MIOS: variants seen among roughly 807,000 people sequenced by gnomAD.
MIOS encodes GATOR2 complex protein MIOS.
Under a neutral mutation model 96.9 loss-of-function variants are expected in MIOS, and 52 were observed. The ratio of observed to expected loss-of-function variants is 0.54; its 90% CI spans 0.43 to 0.68. The LOEUF (loss-of-function observed/expected upper bound fraction) is 0.68, where lower values mean the gene tolerates loss of function less well. Among genes scored for constraint, MIOS ranks in the 30% least tolerant of loss-of-function variants. MIOS has a pLI of 0.00. For synonymous variants in MIOS, 397 were observed against 359.5 expected (o/e 1.10, Z -1.18); for missense variants, 1,005 against 1,052.8 (o/e 0.95, Z 0.63).
At chr7:7,576,333 A>G (rs60197269) in intron 5 of MIOS, among the ~76,000 whole-genome samples, 3,657 of 152,306 alleles carry the variant, frequency 0.024, 127 homozygotes, top group African/African-American at 0.083. Flanking sequence ...AGCAGGATCA[A>G]TGTCATCCCT....
chr7:7,595,229 C>T, intron 10 of MIOS, 97 bp downstream of exon 10: 2 of 1,295,524 alleles, frequency 1.5e-6, no homozygotes, highest in Non-Finnish European at 2.1e-6. Flanking sequence ...ATTGAGTTCC[C>T]ATTGATGTCT....
At chr7:7,575,397 T>C (rs1050086318) in intron 5 of MIOS, among the ~76,000 whole-genome samples, 1 of 152,140 alleles carries the variant, frequency 6.6e-6, no homozygotes, top group East Asian at 1.9e-4. Context: ...TTGATTTTAT[T>C]GTTTTTGTAT....
chr7:7,574,072 C>T, intron 4 of MIOS, 26 bp from the exon 5 acceptor site: 4 of 1,446,702 alleles, frequency 2.8e-6, no homozygotes, highest in Non-Finnish European at 3.8e-6. Context: ...TCATGCATCA[C>T]TAGTATTTCC....
rs1229630929 is a variant in MIOS, at chr7:7,580,457, T to C, written c.1394-2661T>C. ...TTGGCAATAGTTTCCAATAGTCAGG[T>C]TAAAAATACGTAACTTCAAGTGGAA... On this transcript the variant is annotated intron_variant, in intron 5 of 12. Coordinates refer to ENST00000340080, the MANE Select transcript of MIOS (RefSeq NM_019005.4). 2.6e-5 allele frequency among the ~76,000 whole-genome samples: 4 copies of C among 152,202 alleles called. No homozygotes were observed. In the East Asian group the frequency reaches 7.7e-4, roughly 29 times the overall value.
At chr7:7,577,555 G>A (rs894888138) in intron 5 of MIOS, among the ~76,000 whole-genome samples, 8 of 152,146 alleles carry the variant, frequency 5.3e-5, no homozygotes, top group Admixed American at 3.9e-4. Flanking sequence ...GCTAATTGAA[G>A]GAAGCCCATA....
At chr7:7,569,569 AAATGTTTATT>A (rs1428422084) in intron 3 of MIOS, among the ~76,000 whole-genome samples, 1 of 152,248 alleles carries the variant, frequency 6.6e-6, no homozygotes, top group Non-Finnish European at 1.5e-5. Context: ...TTTATTTAAC[AAATGTTTATT>A]AACTTCCTAC....
chr7:7,603,472 C>T (rs1441865919), intron 11 of MIOS, among the ~76,000 whole-genome samples: 1 of 150,124 alleles, frequency 6.7e-6, no homozygotes. Flanking sequence ...TGTTCATCAT[C>T]ACTGGCCATC....
chr7:7,576,831 A>C (rs1783549069), intron 5 of MIOS, among the ~76,000 whole-genome samples: 1 of 152,216 alleles, frequency 6.6e-6, no homozygotes, highest in African/African-American at 2.4e-5. Flanking sequence ...ATGTGGATAC[A>C]TTAGAGAATA....
chr7:7,593,933 T>C (rs1784128371), intron 9 of MIOS, among the ~76,000 whole-genome samples: 1 of 129,076 alleles, frequency 7.7e-6, no homozygotes, highest in Non-Finnish European at 1.7e-5. Flanking sequence ...AAAGCAAGCA[T>C]AGATGAAATG....
chr7:7,591,860 T>C (rs1204791793), intron 9 of MIOS, among the ~76,000 whole-genome samples: 14 of 152,306 alleles, frequency 9.2e-5, no homozygotes, highest in Admixed American at 6.5e-5. Context: ...CTCAATCTTA[T>C]TCGGTTTTTC....
In MIOS at chr7:7,573,120, T is replaced by C; in HGVS notation, c.645T>C (p.Asn215=). 6.2e-7 allele frequency: 1 copy of C among 1,614,142 alleles called. No individual in the cohort carries two copies. The highest frequency in any genetic ancestry group is 8.5e-7 in the Non-Finnish European group (1 of 1,179,976). Residue 215 remains asparagine (N), a synonymous_variant, in exon 4 of 13, where the codon AAT becomes AAC. Coordinates refer to ENST00000340080, the MANE Select transcript of MIOS (RefSeq NM_019005.4). The surrounding 1 kb of genome is among the most constrained non-coding windows in gnomAD (Gnocchi z 5.0). ...HRNLAIFDLR[N]TSQKMFVNTK... is the part of the protein sequence containing the mutation. ...ACCTAGCTATATTTGATCTTCGGAA[T>C]ACAAGCCAAAAGATGTTCGTAAATA...
chr7:7,570,574 C>T (rs902733999), intron 3 of MIOS, among the ~76,000 whole-genome samples: 3 of 151,816 alleles, frequency 2.0e-5, no homozygotes, highest in African/African-American at 7.3e-5. Context: ...ATACAACTCA[C>T]CGTAATGTAG....
chr7:7,584,368 C>G (rs764242598), intron 6 of MIOS, among the ~76,000 whole-genome samples: 1 of 152,022 alleles, frequency 6.6e-6, no homozygotes, highest in Non-Finnish European at 1.5e-5. Flanking sequence ...TGATACTTTC[C>G]TATCTTGTGT....
At chr7:7,609,105 A>T (rs186837055), downstream of MIOS, among the ~76,000 whole-genome samples, 1 of 152,104 alleles carries the variant, frequency 6.6e-6, no homozygotes, top group African/African-American at 2.4e-5. Context: ...TATTATTTTT[A>T]AAAGATTGAA....
chr7:7,607,139 A>T lies in MIOS; in HGVS notation c.*47A>T. On this transcript the variant is annotated 3_prime_UTR_variant, in exon 13 of 13. Transcript: ENST00000340080. Reference sequence around the variant, plus strand: ...CCCTTCAAGTGTGGAGCTTTCTAGTAGGTGTCCTTCATAGCTCAGAAACAT... The same window carrying T: ...CCCTTCAAGTGTGGAGCTTTCTAGTTGGTGTCCTTCATAGCTCAGAAACAT... The T allele has an allele frequency of 3.5e-6, 5 of 1,448,732 alleles. No individual in the cohort carries two copies. Among genetic ancestry groups the T allele is most frequent in the Non-Finnish European group, 3.8e-6 (4 of 1,046,856 alleles). The allele number at this position is 1,448,732 out of a possible 1,614,324, so 89.7% of individuals were successfully genotyped here.
intron 5 of MIOS, among the ~76,000 whole-genome samples, chr7:7,579,445 C>T (rs895559943): frequency 8.5e-5 from 13 of 152,098 alleles, no homozygotes; most frequent in African/African-American, 3.1e-4. Context: ...AATGGTGGCC[C>T]CATAAGATTT....
chr7:7,575,757 G>A (rs1282258636), intron 5 of MIOS, among the ~76,000 whole-genome samples: 3 of 152,056 alleles, frequency 2.0e-5, no homozygotes, highest in Non-Finnish European at 2.9e-5. Flanking sequence ...TTATGTTTCT[G>A]GTGCACTAGA....
rs372634070 is a variant in MIOS, at chr7:7,597,517, T to TATATATATA, written c.2401+1056_2401+1057insATATATATA. 1.4e-4 allele frequency among the ~76,000 whole-genome samples: 10 copies of TATATATATA among 70,408 alleles called. 1 individual carries two copies. Among genetic ancestry groups the TATATATATA allele is most frequent in the Admixed American group, 1.8e-4 (1 of 5,508 alleles). The allele number at this position is 70,408 out of a possible 152,430, so 46.2% of individuals were successfully genotyped here. On this transcript the variant is annotated intron_variant, in intron 11 of 12. Transcript: ENST00000340080. ...ATATATATATATATATATATATATATGAAGGCAATACGTAATGTTTTAAAT... is the reference window on the plus strand; with the variant it reads ...ATATATATATATATATATATATATATATATATATAGAAGGCAATACGTAATGTTTTAAAT...
chr7:7,590,859 T>A (rs528759672), intron 9 of MIOS, among the ~76,000 whole-genome samples: 5 of 152,254 alleles, frequency 3.3e-5, no homozygotes, highest in Non-Finnish European at 7.3e-5. Context: ...CCCTTTCTTA[T>A]GTCACTCTGA....
Sources: allele counts gnomAD v4.1 joint callset (sites outside exome capture counted in the v4.1 genomes callset), GRCh38; gene constraint gnomAD v4.1.1; non-coding constraint Gnocchi (gnomAD v3.1); transcripts MANE v1.5; gene names NCBI Gene and HGNC (gene_info 2026-07-23, HGNC 2026-07-21).